Variants in ERBB2 observed in about 807,000 individuals in gnomAD.
The protein encoded by ERBB2 is erb-b2 receptor tyrosine kinase 2, also known as receptor tyrosine-protein kinase erbB-2.
In ERBB2, 61 loss-of-function variants were observed where a neutral mutation model predicts 149.0. The observed-to-expected ratio is 0.41, with a 90% CI of 0.33 to 0.51. The LOEUF (loss-of-function observed/expected upper bound fraction) is 0.51, where lower values mean the gene tolerates loss of function less well. ERBB2 is among the 20% of genes least tolerant of loss of function. ERBB2 has a pLI of 0.25. For synonymous variants in ERBB2, 633 were observed against 678.8 expected (o/e 0.93, Z 1.05); for missense variants, 1,205 against 1,655.1 (o/e 0.73, Z 4.72).
intron 15 of ERBB2, among the ~76,000 whole-genome samples, chr17:39,718,388 G>A (rs2059263797): frequency 6.6e-6 from 1 of 152,212 alleles, no homozygotes; most frequent in Admixed American, 6.5e-5. Flanking sequence ...TCTGCTGGGA[G>A]AACCACCGCA....
At chr17:39,720,222 G>T in intron 16 of ERBB2, 1 of 219,660 alleles carries the variant, frequency 4.6e-6, no homozygotes. Context: ...ATTTGAGCTA[G>T]GCTTTGAGAG....
At chr17:39,722,257 CT>C (rs1017227255) in intron 16 of ERBB2, among the ~76,000 whole-genome samples, 4 of 152,120 alleles carry the variant, frequency 2.6e-5, no homozygotes, top group Non-Finnish European at 5.9e-5. Flanking sequence ...AATCCCAGCA[CT>C]TTAGGAGGCC....
At chr17:39,697,813 C>T (rs1365008795), upstream of ERBB2, among the ~76,000 whole-genome samples, 1 of 152,084 alleles carries the variant, frequency 6.6e-6, no homozygotes, top group Non-Finnish European at 1.5e-5. Context: ...CCTGCCTCAG[C>T]CTCCCGAGTA....
intron 2 of ERBB2, among the ~76,000 whole-genome samples, chr17:39,688,999 C>G (rs1043928053): frequency 2.0e-5 from 3 of 152,114 alleles, no homozygotes; most frequent in African/African-American, 7.2e-5. Context: ...GCTCACCTCC[C>G]CTGCACTCCC....
At chr17:39,717,273 G>A (rs751307817) in intron 14 of ERBB2, 47 bp from the exon 15 acceptor site, 2 of 1,523,658 alleles carry the variant, frequency 1.3e-6, no homozygotes, top group African/African-American at 1.4e-5. Context: ...CTACTGCCCT[G>A]GGGGTGTCAG....
chr17:39,727,403 C>T lies in ERBB2; in HGVS notation c.3268C>T (p.Leu1090=), dbSNP rs768526064. The T allele has an allele frequency of 1.9e-6, 3 of 1,610,848 alleles. No individual in the cohort carries two copies. ...GAGSDVFDGD[L]GMGAAKGLQS... is the part of the protein sequence containing the mutation. ...TGGCTCCGATGTATTTGATGGTGAC[C>T]TGGGAATGGGGGCAGCCAAGGGGCT... The change falls in exon 26 of 27, where the codon CTG becomes TTG. Residue 1090 remains leucine (L), a synonymous_variant. Coordinates refer to ENST00000269571, the MANE Select transcript of ERBB2 (RefSeq NM_004448.4). This position sits in a 1 kb window ranked among gnomAD's most constrained non-coding sequence, Gnocchi z 4.3.
rs763786330 is a variant in ERBB2, at chr17:39,708,462, C to T, written c.367C>T (p.Leu123=). ...ALAVLDNGDP[L]NNTTPVTGAS... ...GGCCGTGCTAGACAATGGAGACCCGCTGAACAATACCACCCCTGTCACAGG... is the reference window on the plus strand; with the variant it reads ...GGCCGTGCTAGACAATGGAGACCCGTTGAACAATACCACCCCTGTCACAGG... Residue 123 remains leucine, a synonymous_variant, in exon 3 of 27, where the codon CTG becomes TTG. Coordinates refer to ENST00000269571, the MANE Select transcript of ERBB2 (RefSeq NM_004448.4). 1.2e-6 allele frequency: 2 copies of T among 1,614,118 alleles called. No individual in the cohort carries two copies. The highest frequency in any genetic ancestry group is 1.7e-6 in the Non-Finnish European group (2 of 1,180,034).
Position 39,708,312 on chromosome 17 carries a change from C to A in ERBB2, c.226-9C>A, listed in dbSNP as rs768943358. On this transcript the variant is annotated splice_polypyrimidine_tract_variant and intron_variant, in intron 2 of 26. Transcript: ENST00000269571. ...CCTATTTCAGCCCCACTCTGCTTCC[C>A]CCTCCCAGGATATCCAGGAGGTGCA... 6.2e-7 allele frequency: 1 copy of A among 1,609,360 alleles called. No individual in the cohort carries two copies. Among genetic ancestry groups the A allele is most frequent in the South Asian group, 1.1e-5 (1 of 90,912 alleles).
intron 1 of ERBB2, among the ~76,000 whole-genome samples, chr17:39,704,066 A>G (rs2058266905): frequency 6.6e-6 from 1 of 152,218 alleles, no homozygotes; most frequent in Non-Finnish European, 1.5e-5. Flanking sequence ...GATGGATTCC[A>G]TGACCTCAAC....
At chr17:39,698,740 A>G (rs1345962181), upstream of ERBB2, among the ~76,000 whole-genome samples, 2 of 152,120 alleles carry the variant, frequency 1.3e-5, no homozygotes, top group Admixed American at 6.6e-5. Flanking sequence ...GGGGGAGGGA[A>G]GAGAGAAAGA....
In ERBB2 at chr17:39,725,635, G is replaced by A. The variant is rs2059714069; in HGVS notation, c.2726-72G>A. On this transcript the variant is annotated intron_variant, in intron 22 of 26. Coordinates refer to ENST00000269571, the MANE Select transcript of ERBB2 (RefSeq NM_004448.4). The surrounding 1 kb of genome is among the most constrained non-coding windows in gnomAD (Gnocchi z 4.6). ...CTACCTGCCATGATGCTAGACTCCTGAGCAGAACCTCTGGCTCAGTACACT... is the reference window on the plus strand; with the variant it reads ...CTACCTGCCATGATGCTAGACTCCTAAGCAGAACCTCTGGCTCAGTACACT... 6.6e-7 allele frequency: 1 copy of A among 1,510,198 alleles called. No homozygotes were observed. 93.5% of individuals were successfully genotyped at this position (1,510,198 alleles called of 1,614,324 possible). A position where few individuals can be genotyped will look rare whatever the true frequency, so the allele number is the denominator to read the frequency against.
upstream of ERBB2, among the ~76,000 whole-genome samples, chr17:39,696,205 C>T (rs1214760779): frequency 6.6e-6 from 1 of 152,128 alleles, no homozygotes; most frequent in East Asian, 1.9e-4. Flanking sequence ...AGACACCAGA[C>T]GAGGTTTTTT....
intron 9 of ERBB2, among the ~76,000 whole-genome samples, chr17:39,714,961 G>T (rs1348510379): frequency 6.6e-6 from 1 of 151,864 alleles, no homozygotes; most frequent in African/African-American, 2.4e-5. Context: ...GTAGAGATGG[G>T]GTTTCACCAT....
rs1352870287 is a variant in ERBB2, at chr17:39,710,345, C to T, written c.765C>T (p.Cys255=). Residue 255 remains cysteine (C), a synonymous_variant, in exon 7 of 27, where the codon TGC becomes TGT. Coordinates refer to ENST00000269571, the MANE Select transcript of ERBB2 (RefSeq NM_004448.4). ...CCAGCCACCTGTCCCCCCAGGCCTGCCTCCACTTCAACCACAGTGGCATCT... is the reference window on the plus strand; with the variant it reads ...CCAGCCACCTGTCCCCCCAGGCCTGTCTCCACTTCAACCACAGTGGCATCT... ...TGPKHSDCLA[C]LHFNHSGICE... is the part of the protein sequence containing the mutation. 1.2e-6 allele frequency: 2 copies of T among 1,614,024 alleles called. No homozygotes were observed. The highest frequency in any genetic ancestry group is 1.7e-6 in the Non-Finnish European group (2 of 1,180,038).
At chr17:39,691,934 C>CATATAT (rs57592884), upstream of ERBB2, among the ~76,000 whole-genome samples, 3,496 of 120,704 alleles carry the variant, frequency 0.029, 79 homozygotes, top group Middle Eastern at 0.043. Flanking sequence ...TATACATATA[C>CATATAT]ATATATATAT....
rs2059815915 is a variant in ERBB2 at position 39,727,167 on chromosome 17, C to T, written c.3160-128C>T. ...CTTCCAACCCCTGTGACCCCATTCT[C>T]TCCACGGTGACTGTGTCATACCCCA... On this transcript the variant is annotated intron_variant, in intron 25 of 26. Transcript: ENST00000269571. The surrounding 1 kb of genome is among the most constrained non-coding windows in gnomAD (Gnocchi z 4.3). 2 of 1,300,220 alleles carry T rather than the reference C, an allele frequency of 1.5e-6. No individual in the cohort carries two copies. The highest frequency in any genetic ancestry group is 2.2e-6 in the Non-Finnish European group (2 of 928,162). 80.5% of individuals were successfully genotyped at this position (1,300,220 alleles called of 1,614,324 possible). A position where few individuals can be genotyped will look rare whatever the true frequency, so the allele number is the denominator to read the frequency against.
rs757446217 is a variant in ERBB2 at position 39,709,340 on chromosome 17, G to C, written c.462G>C (p.Leu154Phe). The C allele has an allele frequency of 8.7e-6, 14 of 1,613,962 alleles. No homozygotes were observed. In the African/African-American group the frequency reaches 1.7e-4, roughly 20 times the overall value. The change falls in exon 4 of 27, where the codon TTG becomes TTC. Residue 154 changes from leucine (L) to phenylalanine (F), a missense_variant. This residue lies in a region of ERBB2 where 569 missense variants were observed against 803.5 expected (regional missense o/e 0.71). Transcript: ENST00000269571. Reference protein sequence around the residue: ...SLTEILKGGVLIQRNPQLCYQ... With the variant: ...SLTEILKGGVFIQRNPQLCYQ... Reference sequence around the variant, plus strand: ...CAGAGATCTTGAAAGGAGGGGTCTTGATCCAGCGGAACCCCCAGCTCTGCT... The same window carrying C: ...CAGAGATCTTGAAAGGAGGGGTCTTCATCCAGCGGAACCCCCAGCTCTGCT...
At chr17:39,690,950 T>TC (rs1321231020), upstream of ERBB2, among the ~76,000 whole-genome samples, 1 of 150,540 alleles carries the variant, frequency 6.6e-6, no homozygotes, top group Non-Finnish European at 1.5e-5. Context: ...GGTCAGGAGT[T>TC]CGAGACCAGC....
At chr17:39,712,626 G>A (rs1393427297) in intron 9 of ERBB2, among the ~76,000 whole-genome samples, 178 bp downstream of exon 9, 1 of 152,170 alleles carries the variant, frequency 6.6e-6, no homozygotes, top group East Asian at 1.9e-4. Context: ...GATTATTTTT[G>A]TAAATGACAT....
Sources: gnomAD v4.1 joint callset for allele counts (sites outside exome capture counted in the v4.1 genomes callset) on GRCh38, gnomAD v4.1.1 for gene constraint, gnomAD v4.1.1 regional missense constraint, Gnocchi (gnomAD v3.1) non-coding constraint, MANE v1.5 for transcripts, NCBI Gene and HGNC (gene_info 2026-07-23, HGNC 2026-07-21) for gene names.